The following OCIAD1 variants were observed in gnomAD, a reference collection of about 807,000 sequenced individuals.
OCIAD1 encodes OCIA domain containing 1.
A neutral mutation model predicts 38.9 loss-of-function variants in OCIAD1; 29 were observed. The ratio of observed to expected loss-of-function variants is 0.74; its 90% CI spans 0.55 to 1.02. OCIAD1 has a LOEUF of 1.02. OCIAD1 is among the 50% of genes least tolerant of loss of function. The pLI is 0.00. For synonymous variants in OCIAD1, 110 were observed against 92.0 expected (o/e 1.20, Z -1.12); for missense variants, 288 against 289.6 (o/e 0.99, Z 0.04).
chr4:48,848,713 G>T, intron 5 of OCIAD1: 1 of 233,482 alleles, frequency 4.3e-6, no homozygotes. Flanking sequence ...TAAAGTATTT[G>T]AAAATAAATT....
At chr4:48,806,834 G>A (rs1275729642) in intron 1 of OCIAD1, among the ~76,000 whole-genome samples, 4 of 152,142 alleles carry the variant, frequency 2.6e-5, no homozygotes, top group African/African-American at 9.7e-5. Context: ...TCGATCTCTT[G>A]ACCTTGTGAT....
intron 2 of OCIAD1, among the ~76,000 whole-genome samples, chr4:48,833,090 A>G (rs556975998): frequency 5.3e-5 from 8 of 152,126 alleles, no homozygotes; most frequent in African/African-American, 1.4e-4. Flanking sequence ...GTATCTACTA[A>G]AATACAAAAA....
At chr4:48,830,759 G>A (rs1777401908), upstream of OCIAD1, 1 of 152,200 alleles carries the variant, frequency 6.6e-6, no homozygotes, top group Non-Finnish European at 1.5e-5. Flanking sequence ...AATTTATAAA[G>A]TCGCTCTCAA....
Position 48,851,884 on chromosome 4 carries a change from C to T in OCIAD1, c.456C>T (p.Asn152=), listed in dbSNP as rs1779509648. Residue 152 remains asparagine (N), a synonymous_variant, in exon 7 of 9, where the codon AAC becomes AAT. Transcript: ENST00000264312. ...SSFVTSPAAD[N]IEMLPHYEPI... ...TTGTGACATCCCCAGCAGCAGACAA[C>T]ATAGAAATGCTTCCTCATTATGAGC... is the stretch of plus-strand genomic sequence containing the variant. The T allele has an allele frequency of 1.9e-6, 3 of 1,613,226 alleles. No individual in the cohort carries two copies. The highest frequency in any genetic ancestry group is 2.5e-6 in the Non-Finnish European group (3 of 1,179,286).
intron 1 of OCIAD1, among the ~76,000 whole-genome samples, chr4:48,819,395 G>A (rs1331876322): frequency 6.6e-6 from 1 of 152,100 alleles, no homozygotes; most frequent in East Asian, 1.9e-4. Flanking sequence ...GCTCCTGAAG[G>A]AAGCACTAAA....
At chr4:48,813,012 C>A (rs888843198) in intron 1 of OCIAD1, among the ~76,000 whole-genome samples, 1 of 152,114 alleles carries the variant, frequency 6.6e-6, no homozygotes, top group East Asian at 1.9e-4. Flanking sequence ...GATAGGAGCA[C>A]AGGCAGAAGA....
Position 48,831,249 on chromosome 4 carries a change from G to C in OCIAD1, c.-6G>C, listed in dbSNP as rs1777454211. 1 of 342,708 alleles carries C rather than the reference G, an allele frequency of 2.9e-6. No individual in the cohort carries two copies. 21.2% of individuals were successfully genotyped at this position (342,708 alleles called of 1,614,324 possible). On this transcript the variant is annotated splice_region_variant and 5_prime_UTR_variant, in exon 1 of 9. Transcript: ENST00000264312. The stretch of plus-strand genomic sequence containing the variant: ...CAGTCGCCTGCTGCTGTCGTCGGGA[G>C]GTGGGTGAGGTGACGCAAACAGCCC...
At chr4:48,825,608 G>A (rs1367379730) in intron 1 of OCIAD1, among the ~76,000 whole-genome samples, 4 of 152,170 alleles carry the variant, frequency 2.6e-5, no homozygotes, top group Admixed American at 1.3e-4. Flanking sequence ...TATAATGCAG[G>A]AAACTGGCCC....
At chr4:48,808,670 A>C (rs1579031856) in intron 1 of OCIAD1, among the ~76,000 whole-genome samples, 2 of 152,254 alleles carry the variant, frequency 1.3e-5, no homozygotes, top group East Asian at 3.9e-4. Context: ...TCACCGTACA[A>C]TTGAACCTGC....
intron 1 of OCIAD1, among the ~76,000 whole-genome samples, chr4:48,821,071 A>T (rs767613539): frequency 6.6e-6 from 1 of 152,260 alleles, no homozygotes; most frequent in African/African-American, 2.4e-5. Context: ...TCATCCTGAT[A>T]TGAAAACCTG....
intron 1 of OCIAD1, 190 bp downstream of exon 1, chr4:48,831,439 C>A: frequency 8.1e-7 from 1 of 1,235,070 alleles, no homozygotes; most frequent in Non-Finnish European, 1.1e-6. Context: ...GGGGTGTGAG[C>A]TGGGGAAGTT....
At chr4:48,854,135 C>T (rs1779788272) in intron 7 of OCIAD1, among the ~76,000 whole-genome samples, 2 of 152,004 alleles carry the variant, frequency 1.3e-5, no homozygotes, top group Admixed American at 6.5e-5. Flanking sequence ...GTACAGTAGT[C>T]CCCCCTTATC....
At chr4:48,854,642 A>G (rs1316710885) in intron 7 of OCIAD1, among the ~76,000 whole-genome samples, 1 of 152,188 alleles carries the variant, frequency 6.6e-6, no homozygotes, top group African/African-American at 2.4e-5. Context: ...CCATGTCTTA[A>G]TATTATTTTA....
At chr4:48,809,035 A>C (rs1777059584) in intron 1 of OCIAD1, among the ~76,000 whole-genome samples, 1 of 152,128 alleles carries the variant, frequency 6.6e-6, no homozygotes, top group Admixed American at 6.5e-5. Context: ...TCACCACTTC[A>C]ACCATCTTAG....
chr4:48,835,061 G>A (rs1188975862), intron 3 of OCIAD1, among the ~76,000 whole-genome samples: 2 of 152,144 alleles, frequency 1.3e-5, no homozygotes, highest in African/African-American at 4.8e-5. Context: ...AGTGTCCTGA[G>A]TATCTGGGAC....
intron 7 of OCIAD1, 163 bp downstream of exon 7, chr4:48,852,138 T>C (rs1180908698): frequency 2.5e-5 from 14 of 553,362 alleles, no homozygotes; most frequent in Non-Finnish European, 4.4e-5. Flanking sequence ...CATTCAACTT[T>C]TCTTGAGGAC....
intron 1 of OCIAD1, among the ~76,000 whole-genome samples, chr4:48,816,287 C>T (rs190139037): frequency 8.9e-4 from 136 of 152,272 alleles, no homozygotes; most frequent in African/African-American, 3.2e-3. Context: ...AAACTGGAGG[C>T]GATCAGGACA....
chr4:48,845,006 C>T (rs542426745), intron 4 of OCIAD1, among the ~76,000 whole-genome samples: 30 of 152,126 alleles, frequency 2.0e-4, no homozygotes, highest in Non-Finnish European at 2.9e-4. Flanking sequence ...GGTTGCAGAA[C>T]ATGTACATAT....
intron 1 of OCIAD1, among the ~76,000 whole-genome samples, chr4:48,823,128 A>G (rs957117453): frequency 7.2e-5 from 11 of 152,194 alleles, no homozygotes; most frequent in African/African-American, 2.7e-4. Flanking sequence ...TAGCAAAGTC[A>G]TGGAAGCAAC....
Sources: allele counts gnomAD v4.1 joint callset (sites outside exome capture counted in the v4.1 genomes callset), GRCh38; gene constraint gnomAD v4.1.1; transcripts MANE v1.5; gene names NCBI Gene and HGNC (gene_info 2026-07-23, HGNC 2026-07-21).